TRAPPC9: variants seen among roughly 807,000 people sequenced by gnomAD.
TRAPPC9 encodes IKK2 binding protein.
TRAPPC9 carries 83 observed loss-of-function variants against 124.0 expected under a neutral mutation model. The observed-to-expected ratio is 0.67, with a 90% CI of 0.56 to 0.80. The LOEUF is 0.80. TRAPPC9 is among the 30% of genes least tolerant of loss of function. TRAPPC9 has a pLI of 0.00. For synonymous variants in TRAPPC9, 638 were observed against 617.5 expected, an observed-to-expected ratio of 1.03 and a Z score of -0.49; for missense variants, 1,302 against 1,508.3, an observed-to-expected ratio of 0.86 and a Z score of 2.27.
chr8:140,380,478 A>T (rs570668518), intron 7 of TRAPPC9, among the ~76,000 whole-genome samples: 1 of 152,026 alleles, frequency 6.6e-6, no homozygotes, highest in African/African-American at 2.4e-5. Context: ...ACACAGTGAA[A>T]CCCTGTCTCT....
At chr8:140,061,741 G>A (rs576159711) in intron 17 of TRAPPC9, among the ~76,000 whole-genome samples, 7 of 152,322 alleles carry the variant, frequency 4.6e-5, no homozygotes, top group Non-Finnish European at 7.4e-5. Context: ...TGGACGGAAG[G>A]GGGAGAGGCT....
rs867672930 is a variant in TRAPPC9 at position 139,727,809 on chromosome 8, C to T, written c.*3252G>A. Among the ~76,000 whole-genome samples the T allele has an allele frequency of 1.3e-5, 2 of 152,192 alleles. No individual in the cohort carries two copies. The highest frequency in any genetic ancestry group is 4.8e-5 in the African/African-American group (2 of 41,454). ...CAGCACCTGTGTTAGAAAGTTCTTC[C>T]TTACATGCTTCATGTTACCTAATAC... On this transcript the variant is annotated 3_prime_UTR_variant, in exon 23 of 23. Transcript: ENST00000438773.
rs111206288 is a variant in TRAPPC9, at chr8:139,753,073, T to C, written c.3056-20871A>G. ...CCATCCATCCACCCACCCACCCATC[T>C]ATCCATCCATCCATCCATCCAACAT... On this transcript the variant is annotated intron_variant, in intron 21 of 22. Coordinates refer to ENST00000438773, the MANE Select transcript of TRAPPC9 (RefSeq NM_001160372.4). Among the ~76,000 whole-genome samples the C allele has an allele frequency of 1.2e-3, 145 of 123,986 alleles. 2 individuals carry two copies. The highest frequency in any genetic ancestry group is 4.2e-3 in the African/African-American group (132 of 31,492). The allele number at this position is 123,986 out of a possible 152,430, so 81.3% of individuals were successfully genotyped here. A position where few individuals can be genotyped will look rare whatever the true frequency, so the allele number is the denominator to read the frequency against.
At chr8:139,801,273 C>T (rs1823506825) in intron 21 of TRAPPC9, among the ~76,000 whole-genome samples, 1 of 152,250 alleles carries the variant, frequency 6.6e-6, no homozygotes, top group Non-Finnish European at 1.5e-5. Flanking sequence ...TGCTTAGATG[C>T]ATCCTCCTGA....
intron 19 of TRAPPC9, among the ~76,000 whole-genome samples, chr8:139,952,812 G>A (rs1834727568): frequency 6.6e-6 from 1 of 152,230 alleles, no homozygotes; most frequent in African/African-American, 2.4e-5. Context: ...ACCAGGCACT[G>A]TGCTAAGCAC....
At chr8:140,458,213 A>C (rs2071772320), upstream of TRAPPC9, 1 of 1,550,396 alleles carries the variant, frequency 6.4e-7, no homozygotes, top group African/African-American at 1.4e-5. Context: ...AACAGAGACT[A>C]GGAGGAAAGC....
In TRAPPC9 at chr8:140,311,236, T is replaced by C. The variant is rs2131882030; in HGVS notation, c.1622+12A>G. The C allele has an allele frequency of 6.2e-7, 1 of 1,609,246 alleles. No homozygotes were observed. The highest frequency in any genetic ancestry group is 8.5e-7 in the Non-Finnish European group (1 of 1,179,856). On this transcript the variant is annotated intron_variant, in intron 10 of 22. Coordinates refer to ENST00000438773, the MANE Select transcript of TRAPPC9 (RefSeq NM_001160372.4). ...GGCAGCTGCCTTTCCGGCTCTGCAGTGCCCATCTCACCTGACGATGGGAAG... is the reference window on the plus strand; with the variant it reads ...GGCAGCTGCCTTTCCGGCTCTGCAGCGCCCATCTCACCTGACGATGGGAAG...
intron 9 of TRAPPC9, among the ~76,000 whole-genome samples, chr8:140,319,825 A>G (rs1346855126): frequency 6.6e-6 from 1 of 152,198 alleles, no homozygotes; most frequent in Non-Finnish European, 1.5e-5. Flanking sequence ...GTTCTTACAG[A>G]AGGAGAAAAT....
intron 16 of TRAPPC9, among the ~76,000 whole-genome samples, chr8:140,231,781 A>G (rs1465771528): frequency 6.6e-6 from 1 of 151,598 alleles, no homozygotes; most frequent in African/African-American, 2.4e-5. Context: ...TTACACGCAC[A>G]TAAAACAACA....
chr8:140,435,141 G>C lies in TRAPPC9; in HGVS notation c.830C>G (p.Pro277Arg), dbSNP rs1460453628. 1 of 1,614,200 alleles carries C rather than the reference G, an allele frequency of 6.2e-7. No individual in the cohort carries two copies. The change falls in exon 4 of 23, where the codon CCT (proline) becomes CGT (arginine). Residue 277 changes from proline (P) to arginine (R), a missense_variant. This residue lies in a region of TRAPPC9 where 657 missense variants were observed against 811.2 expected (regional missense o/e 0.81). Coordinates refer to ENST00000438773, the MANE Select transcript of TRAPPC9 (RefSeq NM_001160372.4). The stretch of plus-strand genomic sequence containing the variant: ...CCGGTGTCTATTGGCTGCTTCAGCA[G>C]GAAGGGTGCTGCCCTGGAACCTCCG... ...GARRFQGSTL[P>R]AEAANRHRPG...
At chr8:139,815,736 G>C (rs954264248) in intron 21 of TRAPPC9, among the ~76,000 whole-genome samples, 1 of 152,226 alleles carries the variant, frequency 6.6e-6, no homozygotes, top group African/African-American at 2.4e-5. Context: ...TTTCCTGACA[G>C]GAGGGACTGT....
intron 21 of TRAPPC9, among the ~76,000 whole-genome samples, chr8:139,858,377 C>A (rs1028357083): frequency 9.2e-5 from 14 of 152,244 alleles, no homozygotes; most frequent in Admixed American, 9.2e-4. Context: ...CCGGGGCCTC[C>A]GCCCAGCTGC....
At chr8:140,224,823 G>A (rs935680389) in intron 16 of TRAPPC9, among the ~76,000 whole-genome samples, 2 of 152,138 alleles carry the variant, frequency 1.3e-5, no homozygotes, top group Admixed American at 6.5e-5. Context: ...AAGCAAGTAC[G>A]TCTTCCTCAG....
intron 12 of TRAPPC9, 98 bp from the exon 13 acceptor site, chr8:140,287,832 C>A: frequency 6.5e-7 from 1 of 1,538,440 alleles, no homozygotes; most frequent in South Asian, 1.1e-5. Context: ...CACATCGGAA[C>A]TGCTGGAATA....
intron 17 of TRAPPC9, chr8:140,040,554 T>C (rs1841205558): frequency 6.6e-6 from 1 of 152,296 alleles, no homozygotes; most frequent in Non-Finnish European, 1.5e-5. Flanking sequence ...GCTAATTTTT[T>C]TGTATTTTCA....
chr8:140,344,253 C>A (rs1377659756), intron 9 of TRAPPC9, among the ~76,000 whole-genome samples: 2 of 152,166 alleles, frequency 1.3e-5, no homozygotes, highest in East Asian at 1.9e-4. Flanking sequence ...AACTTCCAGC[C>A]CCCCGAGCTG....
intron 17 of TRAPPC9, among the ~76,000 whole-genome samples, chr8:140,169,684 C>G (rs938391910): frequency 6.6e-6 from 1 of 152,088 alleles, no homozygotes; most frequent in Non-Finnish European, 1.5e-5. Flanking sequence ...TATATGATTC[C>G]GTTTATAGGA....
At chr8:139,732,914 A>T (rs1329437681) in intron 21 of TRAPPC9, among the ~76,000 whole-genome samples, 5 of 152,036 alleles carry the variant, frequency 3.3e-5, no homozygotes, top group Non-Finnish European at 5.9e-5. Flanking sequence ...CCTTGCTTAC[A>T]TGCCCCAAGA....
In TRAPPC9 at chr8:140,033,116, G is replaced by A. The variant is rs372461806; in HGVS notation, c.2557-9037C>T. Among the ~76,000 whole-genome samples, 23 of 152,210 alleles carry A rather than the reference G, an allele frequency of 1.5e-4. No homozygotes were observed. In the East Asian group the frequency reaches 3.5e-3, roughly 23 times the overall value. ...CCTGGGAGGTTTTCTACACTAAGGA[G>A]ATTACCCCTTGTACGAAATCATGTC... On this transcript the variant is annotated intron_variant, in intron 17 of 22. Coordinates refer to ENST00000438773, the MANE Select transcript of TRAPPC9 (RefSeq NM_001160372.4).
Sources: allele counts gnomAD v4.1 joint callset (sites outside exome capture counted in the v4.1 genomes callset), GRCh38; gene constraint gnomAD v4.1.1; regional missense constraint gnomAD v4.1.1; transcripts MANE v1.5; gene names NCBI Gene and HGNC (gene_info 2026-07-23, HGNC 2026-07-21).